PDE7B: variants seen among roughly 807,000 people sequenced by gnomAD.
PDE7B encodes the protein 3',5'-cyclic-AMP phosphodiesterase 7B.
PDE7B carries 29 observed loss-of-function variants against 56.2 expected under a neutral mutation model. The ratio of observed to expected loss-of-function variants is 0.52; its 90% CI spans 0.38 to 0.70. The LOEUF (loss-of-function observed/expected upper bound fraction) is 0.70. PDE7B is among the 30% of genes least tolerant of loss of function. The pLI is 0.00. For missense variants in PDE7B, 490 were observed against 565.0 expected (o/e 0.87, Z 1.35); for synonymous variants, 197 against 196.9 (o/e 1.00, Z 0.00).
intron 2 of PDE7B, among the ~76,000 whole-genome samples, chr6:136,105,539 A>C (rs908849981): frequency 1.2e-4 from 19 of 152,346 alleles, no homozygotes; most frequent in African/African-American, 4.1e-4. Flanking sequence ...GTGAGATAAT[A>C]CATGTAAAAT....
At chr6:135,900,250 C>CA (rs890173299) in intron 1 of PDE7B, among the ~76,000 whole-genome samples, 59 of 151,812 alleles carry the variant, frequency 3.9e-4, no homozygotes, top group African/African-American at 1.4e-3. Flanking sequence ...CTTTTTAGTG[C>CA]AAAAAATATT....
At chr6:136,144,656 G>T (rs529759376) in intron 3 of PDE7B, among the ~76,000 whole-genome samples, 1 of 152,144 alleles carries the variant, frequency 6.6e-6, no homozygotes, top group South Asian at 2.1e-4. Flanking sequence ...TGCATTTAGT[G>T]CACTGTCTCT....
At chr6:135,922,912 T>G (rs1222674376) in intron 1 of PDE7B, among the ~76,000 whole-genome samples, 2 of 152,190 alleles carry the variant, frequency 1.3e-5, no homozygotes, top group African/African-American at 4.8e-5. Context: ...GACTTTACGA[T>G]TTGTTCCATC....
chr6:136,156,205 T>TC, intron 8 of PDE7B: 1 of 161,566 alleles, frequency 6.2e-6, no homozygotes, highest in Non-Finnish European at 1.1e-5. Context: ...GTGTGTGTTT[T>TC]CAGAAACAGG....
intron 1 of PDE7B, among the ~76,000 whole-genome samples, chr6:135,888,203 C>T (rs1775743616): frequency 6.6e-6 from 1 of 152,158 alleles, no homozygotes; most frequent in African/African-American, 2.4e-5. Context: ...GGCTTACAGA[C>T]ACTGAGTAAC....
intron 2 of PDE7B, among the ~76,000 whole-genome samples, chr6:136,087,614 G>A (rs1471127750): frequency 6.6e-6 from 1 of 152,138 alleles, no homozygotes; most frequent in Non-Finnish European, 1.5e-5. Context: ...ACCTAGATAA[G>A]CAATTAGAAA....
chr6:135,937,122 A>G (rs899351782), intron 1 of PDE7B, among the ~76,000 whole-genome samples: 1 of 152,170 alleles, frequency 6.6e-6, no homozygotes, highest in Non-Finnish European at 1.5e-5. Flanking sequence ...ACTTAGCAGA[A>G]CCCTTTTTCC....
At chr6:135,996,418 T>C (rs1277718400) in intron 2 of PDE7B, among the ~76,000 whole-genome samples, 4 of 152,232 alleles carry the variant, frequency 2.6e-5, no homozygotes, top group Admixed American at 1.3e-4. Context: ...GTGATAGATT[T>C]AGATTCCCTT....
At chr6:136,133,501 G>A (rs943002738) in intron 3 of PDE7B, among the ~76,000 whole-genome samples, 5 of 152,118 alleles carry the variant, frequency 3.3e-5, no homozygotes, top group Non-Finnish European at 1.5e-5. Flanking sequence ...AATCTTGCTT[G>A]TTCTGGACAA....
At chr6:136,109,585 C>A (rs995342056) in intron 3 of PDE7B, among the ~76,000 whole-genome samples, 1 of 152,182 alleles carries the variant, frequency 6.6e-6, no homozygotes, top group South Asian at 2.1e-4. Context: ...AAACTCTTCA[C>A]CAGGGCAAAA....
At chr6:136,003,095 A>G in intron 2 of PDE7B, among the ~76,000 whole-genome samples, 1 of 152,192 alleles carries the variant, frequency 6.6e-6, no homozygotes, top group Non-Finnish European at 1.5e-5. Context: ...CTGCTCCTGA[A>G]TGACTACTGG....
At chr6:135,907,926 A>G (rs531824034) in intron 1 of PDE7B, among the ~76,000 whole-genome samples, 1 of 152,320 alleles carries the variant, frequency 6.6e-6, no homozygotes, top group South Asian at 2.1e-4. Context: ...GAAATAGAAG[A>G]TGGCCCCTAA....
intron 2 of PDE7B, chr6:136,070,195 T>C (rs1777023791): frequency 6.6e-6 from 1 of 151,616 alleles, no homozygotes; most frequent in South Asian, 2.1e-4. Context: ...AAACAGCTAC[T>C]TAAACTCAAA....
At chr6:135,911,110 A>G (rs890797565) in intron 1 of PDE7B, among the ~76,000 whole-genome samples, 1 of 152,218 alleles carries the variant, frequency 6.6e-6, no homozygotes, top group Non-Finnish European at 1.5e-5. Flanking sequence ...TGGCTATAAA[A>G]AGGGATTCAG....
intron 1 of PDE7B, among the ~76,000 whole-genome samples, chr6:135,943,635 G>A (rs561766265): frequency 6.6e-6 from 1 of 152,304 alleles, no homozygotes; most frequent in African/African-American, 2.4e-5. Context: ...TACAATGCGA[G>A]TGTGAAAAGT....
At chr6:135,900,734 T>A (rs930013666) in intron 1 of PDE7B, among the ~76,000 whole-genome samples, 7 of 152,160 alleles carry the variant, frequency 4.6e-5, no homozygotes, top group African/African-American at 1.7e-4. Flanking sequence ...ATTCTGTATT[T>A]TTTTTTCAAA....
At chr6:136,142,842 T>C (rs1451437452) in intron 3 of PDE7B, among the ~76,000 whole-genome samples, 1 of 125,812 alleles carries the variant, frequency 7.9e-6, no homozygotes, top group African/African-American at 3.5e-5. Flanking sequence ...AGCCTATGTG[T>C]GTCTCTGCAC....
chr6:136,190,030 T>A (rs1431079182), intron 12 of PDE7B, among the ~76,000 whole-genome samples: 1 of 152,232 alleles, frequency 6.6e-6, no homozygotes, highest in Non-Finnish European at 1.5e-5. Context: ...GATATTTAAC[T>A]TTTTTATACT....
chr6:136,026,335 G>A (rs890430863), intron 2 of PDE7B, among the ~76,000 whole-genome samples: 15 of 151,840 alleles, frequency 9.9e-5, no homozygotes, highest in African/African-American at 3.6e-4. Context: ...GCATTTTTTT[G>A]ATAAAGGTTG....
Sources: allele counts gnomAD v4.1 joint callset (sites outside exome capture counted in the v4.1 genomes callset), GRCh38; gene constraint gnomAD v4.1.1; transcripts MANE v1.5; gene names NCBI Gene and HGNC (gene_info 2026-07-23, HGNC 2026-07-21).